Variants in KIAA0825 observed in about 807,000 individuals in gnomAD.
KIAA0825 encodes the protein KIAA0825.
Under a neutral mutation model 147.6 loss-of-function variants are expected in KIAA0825, and 119 were observed. The observed-to-expected ratio is 0.81, with a 90% CI of 0.69 to 0.94. The LOEUF is 0.94. Ranked by LOEUF, KIAA0825 falls within the 40% of genes least tolerant of loss-of-function variation. KIAA0825 has a pLI of 0.00. For missense variants in KIAA0825, 1,381 were observed against 1,472.7 expected (o/e 0.94, Z 1.02); for synonymous variants, 470 against 518.1 (o/e 0.91, Z 1.26).
chr5:94,467,785 T>C (rs1054508622), intron 10 of KIAA0825, among the ~76,000 whole-genome samples: 2 of 152,194 alleles, frequency 1.3e-5, no homozygotes, highest in Admixed American at 1.3e-4. Flanking sequence ...CAGGCAGATA[T>C]CATCTTTTTC....
intron 20 of KIAA0825, among the ~76,000 whole-genome samples, chr5:94,225,101 C>T (rs1321079042): frequency 1.3e-5 from 2 of 152,126 alleles, no homozygotes; most frequent in Non-Finnish European, 1.5e-5. Flanking sequence ...GCCAAATTTT[C>T]TACATACGTT....
At chr5:94,201,175 G>A (rs1016363196) in intron 20 of KIAA0825, among the ~76,000 whole-genome samples, 2 of 150,484 alleles carry the variant, frequency 1.3e-5, no homozygotes, top group African/African-American at 4.9e-5. Context: ...AGAACCATCA[G>A]CTATAAAAGA....
chr5:94,404,541 G>A (rs1305871963), intron 15 of KIAA0825, among the ~76,000 whole-genome samples: 1 of 151,808 alleles, frequency 6.6e-6, no homozygotes. Flanking sequence ...TCAGCAAAAT[G>A]TTAGAGCCGG....
chr5:94,598,355 C>T (rs1785687486), intron 1 of KIAA0825, among the ~76,000 whole-genome samples: 1 of 152,042 alleles, frequency 6.6e-6, no homozygotes, highest in Non-Finnish European at 1.5e-5. Flanking sequence ...ACTTCCACCT[C>T]CACATTTTGT....
chr5:94,195,585 C>T (rs1036514182), intron 20 of KIAA0825, among the ~76,000 whole-genome samples: 4 of 150,668 alleles, frequency 2.7e-5, no homozygotes, highest in South Asian at 4.2e-4. Flanking sequence ...ATTGTAACAA[C>T]GTTTTTTTTT....
chr5:94,615,975 T>C (rs1403500683), intron 1 of KIAA0825, among the ~76,000 whole-genome samples: 1 of 152,032 alleles, frequency 6.6e-6, no homozygotes, highest in Admixed American at 6.6e-5. Context: ...TGGATTCAAA[T>C]CCTCTTGCCT....
chr5:94,540,957 T>C (rs986422773), intron 2 of KIAA0825, among the ~76,000 whole-genome samples: 4 of 152,216 alleles, frequency 2.6e-5, no homozygotes, highest in Admixed American at 6.5e-5. Flanking sequence ...TGCTCTTGTA[T>C]ATAAATTTTT....
intron 14 of KIAA0825, among the ~76,000 whole-genome samples, chr5:94,427,052 G>A (rs555344802): frequency 6.6e-6 from 1 of 152,074 alleles, no homozygotes; most frequent in South Asian, 2.1e-4. Flanking sequence ...ATCTTGTCTT[G>A]TATATAAAAA....
At chr5:94,399,981 A>G (rs1467168072) in intron 16 of KIAA0825, among the ~76,000 whole-genome samples, 1 of 152,128 alleles carries the variant, frequency 6.6e-6, no homozygotes, top group Non-Finnish European at 1.5e-5. Context: ...TCACAATACA[A>G]AGGTCAAGTT....
intron 15 of KIAA0825, among the ~76,000 whole-genome samples, chr5:94,405,946 G>T (rs1174354060): frequency 6.7e-6 from 1 of 149,248 alleles, no homozygotes. Flanking sequence ...ATTTTTTTTT[G>T]AGATGGAGTC....
At position 94,484,782 on chromosome 5, in the gene KIAA0825, G is replaced by A; in HGVS notation, c.1119C>T (p.Thr373=). 1.3e-5 allele frequency: 20 copies of A among 1,482,114 alleles called. No individual in the cohort carries two copies. The highest frequency in any genetic ancestry group is 1.7e-5 in the Non-Finnish European group (19 of 1,102,278). 91.8% of individuals were successfully genotyped at this position (1,482,114 alleles called of 1,614,324 possible). The change falls in exon 6 of 21, where the codon ACC becomes ACT. Residue 373 remains threonine, a synonymous_variant. Coordinates refer to ENST00000682413, the MANE Select transcript of KIAA0825 (RefSeq NM_001145678.3). The part of the protein sequence containing the change: ...FDEILLSLKI[T]RDTSGILEKS... ...AGAGGATATTACCTGAAGTATCCCT[G>A]GTTATCTTGAGTGATAAAAGTATTT...
At chr5:94,473,906 A>G (rs929618113) in intron 7 of KIAA0825, among the ~76,000 whole-genome samples, 1 of 152,208 alleles carries the variant, frequency 6.6e-6, no homozygotes, top group African/African-American at 2.4e-5. Flanking sequence ...AGATTTTTAT[A>G]GTCTTTTTTA....
At position 94,472,145 on chromosome 5, in the gene KIAA0825, G is replaced by A. The variant is rs555720403; in HGVS notation, c.1456-414C>T. Among the ~76,000 whole-genome samples, 15 of 151,970 alleles carry A rather than the reference G, an allele frequency of 9.9e-5. No individual in the cohort carries two copies. In the South Asian group the frequency reaches 3.1e-3, roughly 32 times the overall value. Reference sequence around the variant, plus strand: ...TTTCTTTTGCTAAATTGCCATAAAGGGTTTTTAAAAATTAAATGCCACATA... The same window carrying A: ...TTTCTTTTGCTAAATTGCCATAAAGAGTTTTTAAAAATTAAATGCCACATA... On this transcript the variant is annotated intron_variant, in intron 8 of 20. Transcript: ENST00000682413.
chr5:94,410,361 G>A (rs160194), intron 15 of KIAA0825, among the ~76,000 whole-genome samples: 36,456 of 152,024 alleles, frequency 0.24, 4,753 homozygotes, highest in Middle Eastern at 0.32. Flanking sequence ...TAATATACAC[G>A]AAATTGAGTC....
rs1266450074 is a variant in KIAA0825 at position 94,473,192 on chromosome 5, G to A, written c.1455+100C>T. 5 of 887,002 alleles carry A rather than the reference G, an allele frequency of 5.6e-6. No individual in the cohort carries two copies. The East Asian group carries it at 1.3e-4, about 24-fold the overall frequency. The allele number at this position is 887,002 out of a possible 1,614,324, so 54.9% of individuals were successfully genotyped here. A position where few individuals can be genotyped will look rare whatever the true frequency, so the allele number is the denominator to read the frequency against. ...GGTCAAGTACCAAGTACTTGCCAAG[G>A]GACTCCACCATTTGATCTACAGGTC... is the stretch of plus-strand genomic sequence containing the variant. On this transcript the variant is annotated intron_variant, in intron 8 of 20. Transcript: ENST00000682413.
At chr5:94,226,840 C>A (rs1007884502) in intron 20 of KIAA0825, among the ~76,000 whole-genome samples, 1 of 151,994 alleles carries the variant, frequency 6.6e-6, no homozygotes, top group African/African-American at 2.4e-5. Context: ...ATCAAAACCA[C>A]AATGAGATAC....
intron 20 of KIAA0825, among the ~76,000 whole-genome samples, chr5:94,348,318 A>G (rs573241593): frequency 2.1e-4 from 32 of 152,334 alleles, no homozygotes; most frequent in Middle Eastern, 3.4e-3. Flanking sequence ...CATCACCAAT[A>G]GATCTTCACC....
At chr5:94,180,614 G>A (rs1412116891) in intron 20 of KIAA0825, among the ~76,000 whole-genome samples, 1 of 152,068 alleles carries the variant, frequency 6.6e-6, no homozygotes, top group Non-Finnish European at 1.5e-5. Context: ...TGCTAAAAAT[G>A]CTATAGATAT....
intron 1 of KIAA0825, among the ~76,000 whole-genome samples, chr5:94,615,041 T>C (rs1423759461): frequency 6.6e-6 from 1 of 151,082 alleles, no homozygotes; most frequent in Non-Finnish European, 1.5e-5. Context: ...AAAGGTTCAG[T>C]GACTTATTAG....
Sources: gnomAD v4.1 joint callset for allele counts (sites outside exome capture counted in the v4.1 genomes callset) on GRCh38, gnomAD v4.1.1 for gene constraint, MANE v1.5 for transcripts, NCBI Gene and HGNC (gene_info 2026-07-23, HGNC 2026-07-21) for gene names.